Variants in FCSK observed in about 807,000 individuals in gnomAD.
The protein encoded by FCSK is fucose kinase.
In FCSK, 123 loss-of-function variants were observed where a neutral mutation model predicts 122.5. The observed-to-expected ratio is 1.00, with a 90% CI of 0.87 to 1.17. The LOEUF is 1.17. Ranked by LOEUF, FCSK falls within the 50% of genes most tolerant of loss-of-function variation. The probability of loss-of-function intolerance (pLI) is 0.00; values close to 1 mark genes in which losing one functional copy is unlikely to be tolerated. For synonymous variants in FCSK, 620 were observed against 625.5 expected (o/e 0.99, Z 0.13); for missense variants, 1,366 against 1,450.4 (o/e 0.94, Z 0.95).
chr16:70,462,553 T>G (rs1348051206), intron 1 of FCSK, among the ~76,000 whole-genome samples: 1 of 152,212 alleles, frequency 6.6e-6, no homozygotes, highest in African/African-American at 2.4e-5. Context: ...CTCGAACTCC[T>G]GACCTCAGGT....
chr16:70,475,403 G>C lies in FCSK; in HGVS notation c.2431G>C (p.Glu811Gln). 1.2e-6 allele frequency: 2 copies of C among 1,610,256 alleles called. No homozygotes were observed. Among genetic ancestry groups the C allele is most frequent in the Non-Finnish European group, 1.7e-6 (2 of 1,179,744 alleles). ...TGCAGGGATCGTGCATGTCCACTCG[G>C]AACTCCAGCTGAGTGAGCAGCTGCT... ...ICAGIVHVHS[E>Q]LQLSEQLLRT... The change falls in exon 19 of 24, where the codon GAA becomes CAA. Residue 811 changes from glutamate (E) to glutamine (Q), a missense_variant. Physicochemically the swap from Glu to Gln is conservative, Grantham distance 29. Coordinates refer to ENST00000288078, the MANE Select transcript of FCSK (RefSeq NM_145059.3).
chr16:70,457,202 A>G (rs1300957856), intron 1 of FCSK, among the ~76,000 whole-genome samples: 1 of 151,956 alleles, frequency 6.6e-6, no homozygotes, highest in Non-Finnish European at 1.5e-5. Flanking sequence ...TCTCTCTATC[A>G]CTATGCTGAG....
intron 5 of FCSK, chr16:70,466,652 G>A (rs1200447646): frequency 1.8e-6 from 1 of 555,698 alleles, no homozygotes; most frequent in South Asian, 2.4e-5. Flanking sequence ...AGCTACGATC[G>A]CACTACTGCA....
At chr16:70,470,869 A>G in intron 11 of FCSK, 102 bp from the exon 12 acceptor site, 1 of 987,128 alleles carries the variant, frequency 1.0e-6, no homozygotes, top group Non-Finnish European at 1.5e-6. Flanking sequence ...GCAGGGGAGC[A>G]GTAGGCCTGG....
chr16:70,478,059 C>A (rs2048869977), intron 20 of FCSK: 2 of 580,042 alleles, frequency 3.4e-6, no homozygotes, highest in Admixed American at 3.1e-5. Context: ...AAAACTCAGG[C>A]CTTGGGAATT....
intron 18 of FCSK, 53 bp from the exon 19 acceptor site, chr16:70,475,297 C>A: frequency 2.5e-6 from 4 of 1,595,226 alleles, no homozygotes; most frequent in Non-Finnish European, 3.4e-6. Flanking sequence ...TGGGTGGGTG[C>A]CTGCGTCTGC....
intron 1 of FCSK, among the ~76,000 whole-genome samples, chr16:70,461,093 C>T (rs376201112): frequency 6.6e-6 from 1 of 152,140 alleles, no homozygotes; most frequent in African/African-American, 2.4e-5. Flanking sequence ...TTCCTGAAGG[C>T]GTGGGTGTTG....
At position 70,463,258 on chromosome 16, in the gene FCSK, A is replaced by G. The variant is rs750181274; in HGVS notation, c.68A>G (p.Gln23Arg). The G allele has an allele frequency of 4.5e-5, 73 of 1,613,676 alleles. No homozygotes were observed. Among genetic ancestry groups the G allele is most frequent in the Admixed American group, 1.5e-4 (9 of 59,974 alleles). ...ACCTGCCAGTACAAGGACAGTGTCC[A>G]GGTCTTTCAGAGAGGTAGGGGACTC... ...ILTCQYKDSV[Q>R]VFQRELEVRQ... Residue 23 changes from glutamine (Q) to arginine (R), a missense_variant, in exon 2 of 24, where the codon CAG becomes CGG. Physicochemically the swap from Gln to Arg is conservative, Grantham distance 43. Coordinates refer to ENST00000288078, the MANE Select transcript of FCSK (RefSeq NM_145059.3).
At position 70,466,874 on chromosome 16, in the gene FCSK, C is replaced by A. The variant is rs759968798; in HGVS notation, c.412-8C>A. On this transcript the variant is annotated splice_region_variant and splice_polypyrimidine_tract_variant and intron_variant, in intron 5 of 23. Transcript: ENST00000288078. ...CACCAGCTGTGTTCTGTCTCCTTCC[C>A]CCCACAGCTGGGCCCGGGCTCCCCG... 1.1e-5 allele frequency: 17 copies of A among 1,612,218 alleles called. No homozygotes were observed. In the South Asian group the frequency reaches 1.5e-4, roughly 15 times the overall value.
At position 70,479,710 on chromosome 16, in the gene FCSK, C is replaced by T. The variant is rs762463949; in HGVS notation, c.*30C>T. The T allele has an allele frequency of 4.1e-5, 65 of 1,573,168 alleles. No individual in the cohort carries two copies. Among genetic ancestry groups the T allele is most frequent in the Non-Finnish European group, 5.4e-5 (62 of 1,145,422 alleles). ...GGCTTCTCTCTGCAACAGGAGAAAA[C>T]CTGGAGCTACAGTGTCCCCCACCTT... On this transcript the variant is annotated 3_prime_UTR_variant, in exon 24 of 24. Transcript: ENST00000288078.
chr16:70,473,253 G>T lies in FCSK; in HGVS notation c.1677G>T (p.Arg559=), dbSNP rs1425680751. 8 of 1,532,912 alleles carry T rather than the reference G, an allele frequency of 5.2e-6. 1 individual carries two copies. In the South Asian group the frequency reaches 6.0e-5, roughly 11 times the overall value. The allele number at this position is 1,532,912 out of a possible 1,614,324, so 95.0% of individuals were successfully genotyped here. A position where few individuals can be genotyped will look rare whatever the true frequency, so the allele number is the denominator to read the frequency against. The part of the protein sequence containing the change: ...LFFRQALHKA[R]HVLEARQDLS... ...TCCGCCAGGCCCTGCATAAGGCGCGGCACGTGCTGGAGGCCCGGCAGGACC... is the reference window on the plus strand; with the variant it reads ...TCCGCCAGGCCCTGCATAAGGCGCGTCACGTGCTGGAGGCCCGGCAGGACC... The change falls in exon 15 of 24, where the codon CGG becomes CGT. Residue 559 remains arginine (R), a synonymous_variant. Transcript: ENST00000288078. The surrounding 1 kb of genome is among the most constrained non-coding windows in gnomAD (Gnocchi z 4.9).
Position 70,474,797 on chromosome 16 carries a change from G to A in FCSK, c.2163G>A (p.Trp721Ter), listed in dbSNP as rs752915775. The A allele has an allele frequency of 1.3e-6, 2 of 1,574,958 alleles. No individual in the cohort carries two copies. Among genetic ancestry groups the A allele is most frequent in the African/African-American group, 1.3e-5 (1 of 74,312 alleles). The change falls in exon 18 of 24, where the codon TGG becomes TGA. Residue 721 changes from tryptophan to a stop codon, truncating the protein, a stop_gained. Coordinates refer to ENST00000288078, the MANE Select transcript of FCSK (RefSeq NM_145059.3). LOFTEE classifies it high-confidence loss of function. ...CPARVDFSGG[W>*]SDTPPLAYEL... ...CTTGCCACACTGCCATAGGGGGCTG[G>A]AGTGACACGCCACCCCTTGCCTATG...
chr16:70,477,353 T>C (rs2048849928), intron 20 of FCSK: 1 of 152,034 alleles, frequency 6.6e-6, no homozygotes. Context: ...CAGCTAATTT[T>C]TTGTATTTTT....
At chr16:70,474,365 C>T (rs2048727723) in intron 16 of FCSK, 26 bp downstream of exon 16, 2 of 1,606,470 alleles carry the variant, frequency 1.2e-6, no homozygotes, top group Non-Finnish European at 1.7e-6. Flanking sequence ...GGTCAGATCC[C>T]TTGGATAAGC....
chr16:70,469,154 G>T lies in FCSK; in HGVS notation c.786G>T (p.Leu262=). 1 of 1,614,094 alleles carries T rather than the reference G, an allele frequency of 6.2e-7. No homozygotes were observed. The highest frequency in any genetic ancestry group is 1.1e-5 in the South Asian group (1 of 91,084). ...TGTGCTTCTTCCCCTTCCCCTAGCT[G>T]TCTCTGTTTTTTGACATTCTCCACT... ...GLDSGARPVQ[L]SLFFDILHCM... Residue 262 remains leucine (L), a splice_region_variant and synonymous_variant, in exon 10 of 24, where the codon CTG becomes CTT. Coordinates refer to ENST00000288078, the MANE Select transcript of FCSK (RefSeq NM_145059.3).
chr16:70,460,806 C>T (rs534886414), intron 1 of FCSK, among the ~76,000 whole-genome samples: 58 of 152,308 alleles, frequency 3.8e-4, no homozygotes, highest in Non-Finnish European at 7.6e-4. Flanking sequence ...TGAGAAGGTT[C>T]GTTCAAAGCG....
rs1382014835 is a variant in FCSK, at chr16:70,478,463, A to G, written c.2829+4A>G. The stretch of plus-strand genomic sequence containing the variant: ...CCTGGCTCGGAACCTGCTGCAGGTG[A>G]GCTCTGGCCCCAGCATGAGGGAGGC... On this transcript the variant is annotated splice_donor_region_variant and intron_variant, in intron 21 of 23. Coordinates refer to ENST00000288078, the MANE Select transcript of FCSK (RefSeq NM_145059.3). The G allele has an allele frequency of 1.5e-5, 24 of 1,613,622 alleles. No homozygotes were observed. Among genetic ancestry groups the G allele is most frequent in the Non-Finnish European group, 1.9e-5 (23 of 1,179,916 alleles).
intron 1 of FCSK, among the ~76,000 whole-genome samples, chr16:70,458,282 C>T (rs538442561): frequency 2.6e-4 from 40 of 151,392 alleles, no homozygotes; most frequent in Admixed American, 4.0e-4. Context: ...GCCTCAGCCT[C>T]CTGAGTAGCT....
At chr16:70,467,322 C>G in intron 6 of FCSK, 52 bp from the exon 7 acceptor site, 1 of 1,329,600 alleles carries the variant, frequency 7.5e-7, no homozygotes, top group Non-Finnish European at 1.1e-6. Context: ...GTGGGGAAAT[C>G]CGTGCCTTGG....
Sources: gnomAD v4.1 joint callset for allele counts (sites outside exome capture counted in the v4.1 genomes callset) on GRCh38, gnomAD v4.1.1 for gene constraint, Gnocchi (gnomAD v3.1) non-coding constraint, MANE v1.5 for transcripts, NCBI Gene and HGNC (gene_info 2026-07-23, HGNC 2026-07-21) for gene names.